CTNNA3: variants seen among roughly 807,000 people sequenced by gnomAD.
CTNNA3 encodes catenin alpha-3.
In CTNNA3, 76 loss-of-function variants were observed where a neutral mutation model predicts 95.7. The observed-to-expected ratio is 0.79, with a 90% confidence interval of 0.66 to 0.96. The LOEUF (loss-of-function observed/expected upper bound fraction) is 0.96. CTNNA3 is among the 40% of genes least tolerant of loss of function. CTNNA3 has a pLI of 0.00. For missense variants in CTNNA3, 1,191 were observed against 1,089.8 expected, an observed-to-expected ratio of 1.09 and a Z score of -1.31; for synonymous variants, 431 against 374.4, an observed-to-expected ratio of 1.15 and a Z score of -1.74.
At chr10:66,920,289 AGT>A (rs757958339) in intron 7 of CTNNA3, among the ~76,000 whole-genome samples, 20 of 152,372 alleles carry the variant, frequency 1.3e-4, no homozygotes, top group Non-Finnish European at 2.4e-4. Context: ...AGGTTTTATA[AGT>A]CCCATTTTGC....
rs550298354 is a variant in CTNNA3 at position 67,218,350 on chromosome 10, C to CT, written c.843+1256dup. On this transcript the variant is annotated intron_variant, in intron 6 of 17. Transcript: ENST00000433211. ...TGTGTATATAGAGTGTTTCAGGCCC[C>CT]TAAAGGTCATACCCTTCCCAGGGTA... Among the ~76,000 whole-genome samples, 328 of 152,258 alleles carry CT rather than the reference C, an allele frequency of 2.2e-3. 2 individuals carry two copies. The highest frequency in any genetic ancestry group is 7.6e-3 in the African/African-American group (316 of 41,542).
rs147537612 is a variant in CTNNA3 at position 66,579,855 on chromosome 10, C to T, written c.1374+41837G>A. 5.4e-3 allele frequency among the ~76,000 whole-genome samples: 825 copies of T among 151,754 alleles called. 7 individuals carry two copies. The highest frequency in any genetic ancestry group is 0.019 in the African/African-American group (796 of 41,472). ...GATGAGAGATCCAGTGTCATCTGAA[C>T]GTTCTTTTTTCCACAGAGAATGTGA... On this transcript the variant is annotated intron_variant, in intron 10 of 17. Transcript: ENST00000433211.
At chr10:67,709,464 C>T (rs1248517242) in intron 1 of CTNNA3, among the ~76,000 whole-genome samples, 1 of 152,104 alleles carries the variant, frequency 6.6e-6, no homozygotes, top group African/African-American at 2.4e-5. Context: ...CTCTAAGTTT[C>T]TTTGGACTGA....
intron 1 of CTNNA3, among the ~76,000 whole-genome samples, chr10:67,747,694 G>T (rs1178076649): frequency 6.6e-6 from 1 of 152,208 alleles, no homozygotes; most frequent in African/African-American, 2.4e-5. Flanking sequence ...AAGCCAGAGT[G>T]CCTCTTCTCC....
At chr10:66,087,931 G>T (rs924309558) in intron 14 of CTNNA3, among the ~76,000 whole-genome samples, 2 of 152,038 alleles carry the variant, frequency 1.3e-5, no homozygotes, top group Middle Eastern at 3.4e-3. Context: ...CAAAAATTTC[G>T]TCTTACAGTG....
chr10:67,292,097 G>A (rs375079111), intron 5 of CTNNA3, among the ~76,000 whole-genome samples: 7 of 152,278 alleles, frequency 4.6e-5, no homozygotes, highest in South Asian at 4.1e-4. Flanking sequence ...TCTTCCTTCC[G>A]GGTATGGGGC....
chr10:67,460,208 A>T (rs1478879665), intron 5 of CTNNA3, among the ~76,000 whole-genome samples: 1 of 152,152 alleles, frequency 6.6e-6, no homozygotes, highest in South Asian at 2.1e-4. Context: ...CTTTGTTTTC[A>T]TTCTAACTGT....
chr10:66,538,274 T>C (rs1174574036), intron 10 of CTNNA3, among the ~76,000 whole-genome samples: 1 of 152,120 alleles, frequency 6.6e-6, no homozygotes, highest in Non-Finnish European at 1.5e-5. Flanking sequence ...ATTTTTGTCA[T>C]AAAAATCAAC....
intron 7 of CTNNA3, among the ~76,000 whole-genome samples, chr10:67,147,150 A>G (rs1860887146): frequency 6.6e-6 from 1 of 152,236 alleles, no homozygotes; most frequent in African/African-American, 2.4e-5. Flanking sequence ...CTAAGTTTAA[A>G]AAATCATAAA....
At chr10:66,527,646 T>TTTCACCTC (rs1223196135) in intron 10 of CTNNA3, among the ~76,000 whole-genome samples, 1 of 152,154 alleles carries the variant, frequency 6.6e-6, no homozygotes, top group Non-Finnish European at 1.5e-5. Flanking sequence ...GGTAAAAGTC[T>TTTCACCTC]TTCACCTCTT....
intron 10 of CTNNA3, among the ~76,000 whole-genome samples, chr10:66,601,202 C>A (rs965301971): frequency 4.0e-5 from 6 of 151,636 alleles, no homozygotes; most frequent in African/African-American, 1.5e-4. Flanking sequence ...CCATAGCATG[C>A]CCAGAAGGTA....
chr10:67,556,228 G>C (rs1056716399), intron 3 of CTNNA3, among the ~76,000 whole-genome samples: 17 of 152,104 alleles, frequency 1.1e-4, no homozygotes, highest in African/African-American at 4.1e-4. Context: ...TTTTTGTTGT[G>C]TCTCTGCCAG....
intron 11 of CTNNA3, among the ~76,000 whole-genome samples, chr10:66,418,142 A>T (rs117945440): frequency 0.01 from 1,549 of 151,544 alleles, 23 homozygotes; most frequent in Non-Finnish European, 0.014. Context: ...AGCTAGACTA[A>T]CAAAGAAAAG....
chr10:67,559,915 A>C lies in CTNNA3; in HGVS notation c.293-20246T>G, dbSNP rs1489263142. 4.6e-5 allele frequency among the ~76,000 whole-genome samples: 7 copies of C among 152,226 alleles called. 1 individual carries two copies. In the East Asian group the frequency reaches 1.3e-3, roughly 29 times the overall value. On this transcript the variant is annotated intron_variant, in intron 3 of 17. Transcript: ENST00000433211. ...ATAGAAGATGAAATGAATGAAATGA[A>C]GCGAGAAGGGAAGTTTAGAGAAAAA...
intron 13 of CTNNA3, among the ~76,000 whole-genome samples, chr10:66,238,517 T>G (rs968732751): frequency 6.6e-6 from 1 of 151,920 alleles, no homozygotes; most frequent in African/African-American, 2.4e-5. Flanking sequence ...CAATAAAAGA[T>G]TTGCCTTCAT....
chr10:66,781,949 A>G (rs1840552280), intron 7 of CTNNA3, among the ~76,000 whole-genome samples: 1 of 152,174 alleles, frequency 6.6e-6, no homozygotes, highest in Non-Finnish European at 1.5e-5. Flanking sequence ...ACTGTGTCCC[A>G]TCTCAGACTT....
At chr10:66,904,949 G>C (rs1845920161) in intron 7 of CTNNA3, among the ~76,000 whole-genome samples, 1 of 152,168 alleles carries the variant, frequency 6.6e-6, no homozygotes, top group Non-Finnish European at 1.5e-5. Context: ...CAACCATTAT[G>C]GACGACAGTG....
At chr10:66,400,032 T>C (rs2093008180) in intron 11 of CTNNA3, among the ~76,000 whole-genome samples, 2 of 152,050 alleles carry the variant, frequency 1.3e-5, no homozygotes, top group African/African-American at 2.4e-5. Context: ...CATACACATA[T>C]GCATATTCAC....
chr10:67,636,371 A>G (rs1260235356), intron 2 of CTNNA3, among the ~76,000 whole-genome samples: 2 of 152,208 alleles, frequency 1.3e-5, no homozygotes, highest in African/African-American at 4.8e-5. Context: ...AGACAATCCT[A>G]AGCAAAAAGA....
Sources: allele counts gnomAD v4.1 joint callset (sites outside exome capture counted in the v4.1 genomes callset), GRCh38; gene constraint gnomAD v4.1.1; transcripts MANE v1.5; gene names NCBI Gene and HGNC (gene_info 2026-07-23, HGNC 2026-07-21).